The following RALGAPA1 variants were observed in gnomAD, a reference collection of about 807,000 sequenced individuals.
The protein encoded by RALGAPA1 is ral GTPase-activating protein subunit alpha-1.
Under a neutral mutation model 269.6 loss-of-function variants are expected in RALGAPA1, and 52 were observed. The ratio of observed to expected loss-of-function variants is 0.19; its 90% CI spans 0.15 to 0.24. RALGAPA1 has a LOEUF of 0.24. Among genes scored for constraint, RALGAPA1 ranks in the 10% least tolerant of loss-of-function variants. The pLI, the probability that RALGAPA1 is intolerant of heterozygous loss-of-function variation, is 1.00. For synonymous variants in RALGAPA1, 817 were observed against 1,008.3 expected (o/e 0.81, Z 3.60); for missense variants, 1,917 against 3,013.9 (o/e 0.64, Z 8.52).
At position 35,541,057 on chromosome 14, in the gene RALGAPA1, T is replaced by C. The variant is rs866252516; in HGVS notation, c.*24-1367A>G. 4.8e-3 allele frequency among the ~76,000 whole-genome samples: 684 copies of C among 141,342 alleles called. 8 individuals carry two copies. The highest frequency in any genetic ancestry group is 0.018 in the South Asian group (78 of 4,226). 92.7% of individuals were successfully genotyped at this position (141,342 alleles called of 152,430 possible). A position where few individuals can be genotyped will look rare whatever the true frequency, so the allele number is the denominator to read the frequency against. ...ACACTTCAATTTTTTTTTTTTTTTT[T>C]TTTTTTTGAGACGGAGTCTCACTCT... On this transcript the variant is annotated intron_variant, in intron 41 of 41. Transcript: ENST00000680220.
intron 10 of RALGAPA1, among the ~76,000 whole-genome samples, chr14:35,743,238 T>C (rs2071739891): frequency 6.6e-6 from 1 of 152,144 alleles, no homozygotes; most frequent in Non-Finnish European, 1.5e-5. Flanking sequence ...CATTTATTTA[T>C]CGTATTATAA....
At chr14:35,782,959 C>G (rs1422145537) in intron 1 of RALGAPA1, among the ~76,000 whole-genome samples, 1 of 151,846 alleles carries the variant, frequency 6.6e-6, no homozygotes, top group Non-Finnish European at 1.5e-5. Context: ...GTCACTGGGA[C>G]TACAAGTTTA....
intron 27 of RALGAPA1, among the ~76,000 whole-genome samples, chr14:35,661,289 T>G (rs1046622793): frequency 6.6e-6 from 1 of 152,208 alleles, no homozygotes; most frequent in African/African-American, 2.4e-5. Context: ...AGGGAGAATA[T>G]TCATCCTTAA....
At chr14:35,542,204 G>A in intron 41 of RALGAPA1, 1 of 323,456 alleles carries the variant, frequency 3.1e-6, no homozygotes, top group Non-Finnish European at 5.9e-6. Context: ...GCCACATTAA[G>A]TTTAAATTTA....
chr14:35,668,848 T>C (rs1436424291), intron 26 of RALGAPA1, among the ~76,000 whole-genome samples: 2 of 152,168 alleles, frequency 1.3e-5, no homozygotes, highest in Non-Finnish European at 2.9e-5. Context: ...ATTGAAATGA[T>C]AAAAATGGTA....
intron 4 of RALGAPA1, chr14:35,766,050 T>G: frequency 2.2e-6 from 3 of 1,354,368 alleles, no homozygotes; most frequent in Middle Eastern, 1.8e-4. Flanking sequence ...TGGAGGAAGC[T>G]CAGGTGGGAG....
intron 31 of RALGAPA1, among the ~76,000 whole-genome samples, chr14:35,641,834 T>C (rs916224044): frequency 2.6e-5 from 4 of 152,116 alleles, no homozygotes; most frequent in African/African-American, 9.7e-5. Context: ...AATCACATTA[T>C]CTGATTTCAA....
intron 30 of RALGAPA1, among the ~76,000 whole-genome samples, chr14:35,653,087 AG>A (rs2062951525): frequency 6.6e-6 from 1 of 152,170 alleles, no homozygotes. Flanking sequence ...GAGTGGGAAA[AG>A]CATGAACTTT....
chr14:35,685,690 G>T (rs1222412755), intron 19 of RALGAPA1, among the ~76,000 whole-genome samples: 1 of 152,132 alleles, frequency 6.6e-6, no homozygotes, highest in Non-Finnish European at 1.5e-5. Context: ...GATCACCTGA[G>T]GTCAGGAGTT....
At chr14:35,605,817 G>T in intron 35 of RALGAPA1, 108 bp from the exon 36 acceptor site, 1 of 1,299,772 alleles carries the variant, frequency 7.7e-7, no homozygotes, top group Non-Finnish European at 1.0e-6. Flanking sequence ...AGATGAAAAA[G>T]AATTAGATCT....
intron 30 of RALGAPA1, 37 bp downstream of exon 30, chr14:35,654,330 T>A: frequency 6.6e-7 from 1 of 1,521,384 alleles, no homozygotes; most frequent in Non-Finnish European, 8.8e-7. Context: ...TAAAAAAATT[T>A]AACAAGGTCA....
intron 11 of RALGAPA1, among the ~76,000 whole-genome samples, chr14:35,740,957 C>T (rs1353464538): frequency 6.6e-6 from 1 of 151,998 alleles, no homozygotes; most frequent in Non-Finnish European, 1.5e-5. Flanking sequence ...AACATTATAC[C>T]TTTTGGGTTT....
At position 35,627,300 on chromosome 14, in the gene RALGAPA1, G is replaced by C; in HGVS notation, c.6647C>G (p.Pro2216Arg). The change falls in exon 34 of 42, where the codon CCT (proline) becomes CGT (arginine). Residue 2216 changes from proline (P) to arginine (R), a missense_variant. Physicochemically the swap from Pro to Arg is moderately radical, Grantham distance 103 (BLOSUM62 -2). Transcript: ENST00000680220. ...GISLNIPAPQPVCISEKQEND... is the reference protein window; with the variant it reads ...GISLNIPAPQRVCISEKQEND... Reference sequence around the variant, plus strand: ...TTCTTGTTTTTCAGAAATGCACACAGGTTGTGGAGCAGGAATATTAAGTGA... The same window carrying C: ...TTCTTGTTTTTCAGAAATGCACACACGTTGTGGAGCAGGAATATTAAGTGA... 6.2e-7 allele frequency: 1 copy of C among 1,610,470 alleles called. No individual in the cohort carries two copies. The highest frequency in any genetic ancestry group is 8.5e-7 in the Non-Finnish European group (1 of 1,179,146).
intron 1 of RALGAPA1, among the ~76,000 whole-genome samples, chr14:35,782,863 C>T (rs926189882): frequency 1.3e-5 from 2 of 151,774 alleles, no homozygotes; most frequent in Non-Finnish European, 1.5e-5. Context: ...TCGCTGTTAC[C>T]TAGGCTGGAA....
intron 37 of RALGAPA1, among the ~76,000 whole-genome samples, chr14:35,584,371 C>A (rs4982293): frequency 0.087 from 13,245 of 152,000 alleles, 842 homozygotes; most frequent in East Asian, 0.31. Context: ...CTCAGGTGAT[C>A]CTCTCACCTC....
intron 1 of RALGAPA1, among the ~76,000 whole-genome samples, chr14:35,793,387 A>G (rs916537942): frequency 2.0e-5 from 3 of 151,846 alleles, no homozygotes; most frequent in Non-Finnish European, 4.4e-5. Context: ...ACAGGCATGC[A>G]CCACCATGCC....
At chr14:35,592,587 C>T (rs1032791779) in intron 37 of RALGAPA1, among the ~76,000 whole-genome samples, 1 of 152,166 alleles carries the variant, frequency 6.6e-6, no homozygotes, top group Admixed American at 6.5e-5. Context: ...AACACTGATG[C>T]AAAAATCCTC....
At chr14:35,582,573 A>G (rs1200645585) in intron 37 of RALGAPA1, among the ~76,000 whole-genome samples, 1 of 152,192 alleles carries the variant, frequency 6.6e-6, no homozygotes, top group Admixed American at 6.5e-5. Flanking sequence ...CTGGAAGCTC[A>G]GTGTGGACAA....
chr14:35,734,664 A>C (rs1425623468), intron 12 of RALGAPA1, among the ~76,000 whole-genome samples: 2 of 152,194 alleles, frequency 1.3e-5, no homozygotes, highest in Non-Finnish European at 2.9e-5. Context: ...CATGACCAAG[A>C]ACCCAAAAGC....
Sources: gnomAD v4.1 joint callset for allele counts (sites outside exome capture counted in the v4.1 genomes callset) on GRCh38, gnomAD v4.1.1 for gene constraint, MANE v1.5 for transcripts, NCBI Gene and HGNC (gene_info 2026-07-23, HGNC 2026-07-21) for gene names.